Variants in WDR49 observed in about 807,000 individuals in gnomAD.
The protein encoded by WDR49 is cilia- and flagella-associated protein 337.
A neutral mutation model predicts 119.5 loss-of-function variants in WDR49; 107 were observed. The observed-to-expected ratio is 0.90, with a 90% CI of 0.77 to 1.05. The LOEUF is 1.05. Among genes scored for constraint, WDR49 ranks in the 50% least tolerant of loss-of-function variants. The probability of loss-of-function intolerance (pLI) is 0.00; values close to 1 mark genes in which losing one functional copy is unlikely to be tolerated. For synonymous variants in WDR49, 425 were observed against 418.8 expected, an observed-to-expected ratio of 1.01 and a Z score of -0.18; for missense variants, 1,240 against 1,220.5, an observed-to-expected ratio of 1.02 and a Z score of -0.24.
chr3:167,597,094 T>C (rs1715513304), intron 7 of WDR49, among the ~76,000 whole-genome samples: 1 of 152,164 alleles, frequency 6.6e-6, no homozygotes, highest in Non-Finnish European at 1.5e-5. Flanking sequence ...GAGATCTTCG[T>C]CACAGGCCCA....
chr3:167,505,208 A>C (rs1398676742), intron 17 of WDR49, 99 bp downstream of exon 17: 1 of 1,253,436 alleles, frequency 8.0e-7, no homozygotes, highest in East Asian at 3.3e-5. Context: ...ATGTTTATTA[A>C]GGAATAGGAA....
intron 2 of WDR49, among the ~76,000 whole-genome samples, chr3:167,647,071 A>G (rs1718162096): frequency 6.6e-6 from 1 of 152,150 alleles, no homozygotes; most frequent in Admixed American, 6.6e-5. Context: ...GCCACAAATA[A>G]TGGTTCTTTC....
At chr3:167,549,890 C>T (rs1171370345) in intron 10 of WDR49, among the ~76,000 whole-genome samples, 1 of 152,094 alleles carries the variant, frequency 6.6e-6, no homozygotes, top group Admixed American at 6.6e-5. Flanking sequence ...AGGAAGGGAT[C>T]CAGTTTCAGC....
Position 167,497,753 on chromosome 3 carries a change from T to C in WDR49, c.3031+2400A>G, listed in dbSNP as rs1751410617. Among the ~76,000 whole-genome samples, 3 of 152,186 alleles carry C rather than the reference T, an allele frequency of 2.0e-5. No individual in the cohort carries two copies. The South Asian group carries it at 6.2e-4, about 31-fold the overall frequency. ...CTGTCTTGGTTTCCTCCTGAATGCC[T>C]ACCCTGTATCTGGACTATCTTTACA... On this transcript the variant is annotated intron_variant, in intron 18 of 18. Coordinates refer to ENST00000682715, the MANE Select transcript of WDR49 (RefSeq NM_001366157.1).
At chr3:167,562,270 T>C (rs1248482072) in intron 8 of WDR49, among the ~76,000 whole-genome samples, 1 of 152,174 alleles carries the variant, frequency 6.6e-6, no homozygotes, top group African/African-American at 2.4e-5. Context: ...ACTGGGGTTT[T>C]GGGAGGACCA....
chr3:167,595,582 G>C (rs1412052228), intron 7 of WDR49, among the ~76,000 whole-genome samples: 1 of 152,126 alleles, frequency 6.6e-6, no homozygotes, highest in Admixed American at 6.5e-5. Flanking sequence ...ACAACTATCT[G>C]ATCTTTGACA....
At chr3:167,568,153 G>C (rs1194194226) in intron 8 of WDR49, among the ~76,000 whole-genome samples, 1 of 151,974 alleles carries the variant, frequency 6.6e-6, no homozygotes, top group Non-Finnish European at 1.5e-5. Flanking sequence ...TAAAAAATTT[G>C]TTCAGGCAGC....
intron 7 of WDR49, among the ~76,000 whole-genome samples, chr3:167,598,047 C>G (rs1431219595): frequency 6.6e-6 from 1 of 152,056 alleles, no homozygotes; most frequent in East Asian, 1.9e-4. Flanking sequence ...TGGCTAATGC[C>G]TGTAATCCCA....
intron 16 of WDR49, among the ~76,000 whole-genome samples, chr3:167,512,450 C>T (rs891337737): frequency 3.3e-5 from 5 of 152,098 alleles, no homozygotes; most frequent in Non-Finnish European, 4.4e-5. Flanking sequence ...AAAATCTCAT[C>T]CAAAGGTCAG....
In WDR49 at chr3:167,522,298, T is replaced by A; in HGVS notation, c.2774+17A>T. On this transcript the variant is annotated intron_variant, in intron 16 of 18. Transcript: ENST00000682715. The stretch of plus-strand genomic sequence containing the variant: ...TAGACTTCAGTTGACATCTGGCTAA[T>A]GTTCAAAATTACTTACTTGTATGTT... 5.1e-6 allele frequency: 8 copies of A among 1,561,672 alleles called. No homozygotes were observed. The highest frequency in any genetic ancestry group is 6.9e-6 in the Non-Finnish European group (8 of 1,163,786).
At chr3:167,489,135 T>G (rs1383661393) in intron 18 of WDR49, among the ~76,000 whole-genome samples, 2 of 152,120 alleles carry the variant, frequency 1.3e-5, no homozygotes, top group African/African-American at 4.8e-5. Context: ...TCTCTCTTCC[T>G]AGACAATAAA....
chr3:167,538,101 C>A (rs996361200), intron 10 of WDR49, among the ~76,000 whole-genome samples: 1 of 152,150 alleles, frequency 6.6e-6, no homozygotes, highest in African/African-American at 2.4e-5. Flanking sequence ...TTCTCTCTAT[C>A]CACTCAAACT....
chr3:167,500,189 G>T lies in WDR49; in HGVS notation c.2995C>A (p.Arg999Ser). The T allele has an allele frequency of 6.3e-7, 1 of 1,578,474 alleles. No homozygotes were observed. Among genetic ancestry groups the T allele is most frequent in the Middle Eastern group, 1.7e-4 (1 of 5,888 alleles). ...KYFRKEPEEE[R>S]PQILEAPSLF... ...GACGGGGCCTCCAGAATTTGGGGAC[G>T]CTCTTCCTCTGGTTCTTTCCTAAAG... Residue 999 changes from arginine to serine, a missense_variant, in exon 18 of 19, where the codon CGT becomes AGT. Physicochemically the swap from Arg to Ser is moderately radical, Grantham distance 110. Transcript: ENST00000682715.
chr3:167,627,607 G>T (rs934502720), intron 2 of WDR49, among the ~76,000 whole-genome samples: 1 of 151,962 alleles, frequency 6.6e-6, no homozygotes, highest in African/African-American at 2.4e-5. Flanking sequence ...AAGAATTCAG[G>T]TTACCTCTAT....
intron 7 of WDR49, among the ~76,000 whole-genome samples, chr3:167,601,399 T>C (rs760855803): frequency 2.0e-5 from 3 of 152,204 alleles, no homozygotes; most frequent in African/African-American, 4.8e-5. Context: ...CTATCTTCAA[T>C]ACACTTTATA....
chr3:167,515,524 C>T (rs1752163862), intron 16 of WDR49, among the ~76,000 whole-genome samples: 1 of 152,064 alleles, frequency 6.6e-6, no homozygotes, highest in South Asian at 2.1e-4. Flanking sequence ...AACTCATAGC[C>T]AATATCATAC....
At chr3:167,611,877 AT>A (rs1716356821) in intron 5 of WDR49, among the ~76,000 whole-genome samples, 1 of 152,196 alleles carries the variant, frequency 6.6e-6, no homozygotes, top group East Asian at 1.9e-4. Context: ...ATAGGCCTTG[AT>A]ACAATAATAC....
At chr3:167,652,511 G>A (rs147365918) in intron 2 of WDR49, among the ~76,000 whole-genome samples, 234 of 152,206 alleles carry the variant, frequency 1.5e-3, no homozygotes, top group Non-Finnish European at 2.9e-3. Context: ...TAAATTCTAC[G>A]TCATGGAAGA....
At chr3:167,513,571 G>C (rs1393952823) in intron 16 of WDR49, among the ~76,000 whole-genome samples, 2 of 152,114 alleles carry the variant, frequency 1.3e-5, no homozygotes, top group African/African-American at 4.8e-5. Flanking sequence ...AAAATAACCA[G>C]CCAGCATCAT....
Sources: gnomAD v4.1 joint callset for allele counts (sites outside exome capture counted in the v4.1 genomes callset) on GRCh38, gnomAD v4.1.1 for gene constraint, MANE v1.5 for transcripts, NCBI Gene and HGNC (gene_info 2026-07-23, HGNC 2026-07-21) for gene names.